TSR3: variants seen among roughly 807,000 people sequenced by gnomAD.
The protein encoded by TSR3 is 18S rRNA aminocarboxypropyltransferase.
TSR3 carries 31 observed loss-of-function variants against 28.1 expected under a neutral mutation model. That is an observed-to-expected ratio of 1.10 (90% CI 0.83 to 1.49). The LOEUF is 1.49. Ranked by LOEUF, TSR3 falls within the 40% of genes most tolerant of loss-of-function variation. The probability of loss-of-function intolerance (pLI) is 0.00; values close to 1 mark genes in which losing one functional copy is unlikely to be tolerated. For missense variants in TSR3, 511 were observed against 444.0 expected, an observed-to-expected ratio of 1.15 and a Z score of -1.36; for synonymous variants, 219 against 197.2, an observed-to-expected ratio of 1.11 and a Z score of -0.93.
At position 1,351,828 on chromosome 16, in the gene TSR3, A is replaced by T; in HGVS notation, c.-24T>A. On this transcript the variant is annotated 5_prime_UTR_variant, in exon 1 of 6. Transcript: ENST00000007390. ...ATGGCGCGGACCTGGGGTGCCGGGGACTCCCCACCCCACGGCCGCGCCCCT... is the reference window on the plus strand; with the variant it reads ...ATGGCGCGGACCTGGGGTGCCGGGGTCTCCCCACCCCACGGCCGCGCCCCT... The T allele has an allele frequency of 7.7e-7, 1 of 1,293,206 alleles. No individual in the cohort carries two copies. Among genetic ancestry groups the T allele is most frequent in the Non-Finnish European group, 9.8e-7 (1 of 1,025,500 alleles). 80.1% of individuals were successfully genotyped at this position (1,293,206 alleles called of 1,614,324 possible).
intron 2 of TSR3, 147 bp downstream of exon 2, chr16:1,351,232 C>G (rs1421669558): frequency 2.0e-6 from 2 of 1,005,634 alleles, no homozygotes; most frequent in Admixed American, 5.7e-5. Flanking sequence ...CCAGGCTCTG[C>G]GCTACGCAAC....
At chr16:1,349,642 C>A in intron 5 of TSR3, 34 bp from the exon 6 acceptor site, 2 of 1,560,274 alleles carry the variant, frequency 1.3e-6, no homozygotes, top group Non-Finnish European at 1.7e-6. Context: ...TCCCAAATGA[C>A]GTCCTCCCTG....
chr16:1,350,808 T>C lies in TSR3; in HGVS notation c.525A>G (p.Val175=). ...CTGCTGTGGGGCCCCTGGACTCACC[T>C]ACGATGCAGAAGGTGGCAGCAAACG... ...VEAFAATFCI[V]GFPDLAVILL... The change falls in exon 3 of 6, where the codon GTA becomes GTG. Residue 175 remains valine (V), a splice_region_variant and synonymous_variant. Coordinates refer to ENST00000007390, the MANE Select transcript of TSR3 (RefSeq NM_001001410.3). The C allele has an allele frequency of 6.2e-7, 1 of 1,612,016 alleles. No individual in the cohort carries two copies. Among genetic ancestry groups the C allele is most frequent in the Non-Finnish European group, 8.5e-7 (1 of 1,179,254 alleles).
Position 1,351,501 on chromosome 16 carries a change from G to C in TSR3, c.210C>G (p.Pro70=). 6.5e-7 allele frequency: 1 copy of C among 1,550,104 alleles called. No individual in the cohort carries two copies. The highest frequency in any genetic ancestry group is 1.9e-5 in the Admixed American group (1 of 52,996). The change falls in exon 2 of 6, where the codon CCC becomes CCG. Residue 70 remains proline, a synonymous_variant. Coordinates refer to ENST00000007390, the MANE Select transcript of TSR3 (RefSeq NM_001001410.3). ...CCAGCTTGCGGCCCGTGCAGCGCCG[G>C]GGGTCGCAGTGGCCCAACTCCCACA... ...LAMWELGHCD[P]RRCTGRKLAR... is the part of the protein sequence containing the mutation.
At position 1,349,508 on chromosome 16, in the gene TSR3, G is replaced by A; in HGVS notation, c.868C>T (p.Gln290Ter). 3 of 1,613,604 alleles carry A rather than the reference G, an allele frequency of 1.9e-6. No individual in the cohort carries two copies. The highest frequency in any genetic ancestry group is 2.5e-6 in the Non-Finnish European group (3 of 1,180,008). The change falls in exon 6 of 6, where the codon CAG becomes TAG. Residue 290 changes from glutamine to a stop codon, truncating the protein, a stop_gained. Coordinates refer to ENST00000007390, the MANE Select transcript of TSR3 (RefSeq NM_001001410.3). LOFTEE classifies it high-confidence loss of function. ...GCCCTGGCCTCAGCCCCCCGTCCCT[G>A]CGTCTGCTCCTCTTCACAGCAGCTG... Reference protein sequence around the residue: ...SSSCCEEEQTQGRGAEARAPA... With the variant: ...SSSCCEEEQT
rs1054163328 is a variant in TSR3 at position 1,351,759 on chromosome 16, G to A, written c.46C>T (p.Arg16Cys). The A allele has an allele frequency of 9.7e-5, 131 of 1,353,662 alleles. No individual in the cohort carries two copies. The highest frequency in any genetic ancestry group is 1.2e-4 in the Non-Finnish European group (125 of 1,058,332). 83.9% of individuals were successfully genotyped at this position (1,353,662 alleles called of 1,614,324 possible). The change falls in exon 1 of 6, where the codon CGC becomes TGC. Residue 16 changes from arginine (R) to cysteine (C), a missense_variant. Arg to Cys is a radical substitution (Grantham distance 180). Transcript: ENST00000007390. Reference sequence around the variant, plus strand: ...GAGCGCGTCGGGAGGTGCCGAGGGCGGCCGCCTTCCGCCCCCGGCCCGCGC... The same window carrying A: ...GAGCGCGTCGGGAGGTGCCGAGGGCAGCCGCCTTCCGCCCCCGGCCCGCGC... ...AARGPGAEGG[R>C]PRHLPTRSLE...
intron 3 of TSR3, 48 bp from the exon 4 acceptor site, chr16:1,350,282 A>C (rs72779216): frequency 0.013 from 20,438 of 1,538,918 alleles, 191 homozygotes; most frequent in Non-Finnish European, 0.016. Context: ...CGGTCCCCTC[A>C]AGTGCCTCCT....
chr16:1,351,551 C>A lies in TSR3; in HGVS notation c.160G>T (p.Ala54Ser). 5 of 1,476,896 alleles carry A rather than the reference C, an allele frequency of 3.4e-6. No individual in the cohort carries two copies. Among genetic ancestry groups the A allele is most frequent in the South Asian group, 2.6e-5 (2 of 77,456 alleles). 91.5% of individuals were successfully genotyped at this position (1,476,896 alleles called of 1,614,324 possible). A position where few individuals can be genotyped will look rare whatever the true frequency, so the allele number is the denominator to read the frequency against. ...ATGGCCAGCGTGCAGGGCAGCGCCG[C>A]CGGGCCCGGGCCGCCCTCGCCGTCA... ...AADGEGGPGP[A>S]ALPCTLAMWE... Residue 54 changes from alanine to serine, a missense_variant, in exon 2 of 6, where the codon GCG becomes TCG. Ala to Ser is a moderately conservative substitution (Grantham distance 99). Transcript: ENST00000007390.
chr16:1,349,262 G>T lies in TSR3; in HGVS notation c.*175C>A. ...GGCTTCTTGGCCTGCAGCTTCATTT[G>T]CGAGAGCGCCGAGGCAGGACACAGA... On this transcript the variant is annotated 3_prime_UTR_variant, in exon 6 of 6. Coordinates refer to ENST00000007390, the MANE Select transcript of TSR3 (RefSeq NM_001001410.3). The T allele has an allele frequency of 1.4e-6, 1 of 729,046 alleles. No individual in the cohort carries two copies. The highest frequency in any genetic ancestry group is 2.4e-6 in the Non-Finnish European group (1 of 421,086). 45.2% of individuals were successfully genotyped at this position (729,046 alleles called of 1,614,324 possible). A position where few individuals can be genotyped will look rare whatever the true frequency, so the allele number is the denominator to read the frequency against.
In TSR3 at chr16:1,350,895, G is replaced by C. The variant is rs1269396421; in HGVS notation, c.438C>G (p.Pro146=). 1 of 1,612,908 alleles carries C rather than the reference G, an allele frequency of 6.2e-7. No homozygotes were observed. Among genetic ancestry groups the C allele is most frequent in the African/African-American group, 1.3e-5 (1 of 74,910 alleles). The stretch of plus-strand genomic sequence containing the variant: ...TCACGGGGTTGGCGGCCACCAGGTA[G>C]GGCAACAGGCGCAAGTGGCTCCCTC... ...KMRGSHLRLL[P]YLVAANPVNY... Residue 146 remains proline, a synonymous_variant, in exon 3 of 6, where the codon CCC becomes CCG. Transcript: ENST00000007390.
rs773465601 is a variant in TSR3, at chr16:1,350,129, G to A, written c.632C>T (p.Pro211Leu). The A allele has an allele frequency of 8.1e-6, 13 of 1,612,054 alleles. No individual in the cohort carries two copies. The highest frequency in any genetic ancestry group is 1.1e-5 in the Non-Finnish European group (13 of 1,179,452). Residue 211 changes from proline to leucine, a missense_variant, in exon 4 of 6, where the codon CCG becomes CTG. Coordinates refer to ENST00000007390, the MANE Select transcript of TSR3 (RefSeq NM_001001410.3). ...CTGCTCCGCCTGCAGCACCTCCTCC[G>A]GGCTGCCGCAGGCCGCGTACTTGTC... is the stretch of plus-strand genomic sequence containing the variant. ...LLDKYAACGS[P>L]EEVLQAEQEF...
chr16:1,350,763 C>G, intron 3 of TSR3, 44 bp downstream of exon 3: 3 of 1,586,230 alleles, frequency 1.9e-6, no homozygotes, highest in Non-Finnish European at 2.6e-6. Context: ...ATAGCAGGAA[C>G]AGCAGGCCGC....
Position 1,349,513 on chromosome 16 carries a change from T to A in TSR3, c.863A>T (p.Gln288Leu). Reference protein sequence around the residue: ...GASSSCCEEEQTQGRGAEARA... With the variant: ...GASSSCCEEELTQGRGAEARA... ...GGCCTCAGCCCCCCGTCCCTGCGTC[T>A]GCTCCTCTTCACAGCAGCTGCTGCT... is the stretch of plus-strand genomic sequence containing the variant. The change falls in exon 6 of 6, where the codon CAG becomes CTG. Residue 288 changes from glutamine to leucine, a missense_variant. Gln to Leu is a moderately radical substitution (Grantham distance 113). Transcript: ENST00000007390. The A allele has an allele frequency of 6.2e-7, 1 of 1,613,596 alleles. No homozygotes were observed. The highest frequency in any genetic ancestry group is 8.5e-7 in the Non-Finnish European group (1 of 1,180,002).
chr16:1,350,852 T>C lies in TSR3; in HGVS notation c.481A>G (p.Arg161Gly). ...ANPVNYGRPY[R>G]LSCVEAFAAT... ...GCAAACGCTTCCACGCAGGAAAGTCTGTAGGGCCGGCCATAGTTCACGGGG... is the reference window on the plus strand; with the variant it reads ...GCAAACGCTTCCACGCAGGAAAGTCCGTAGGGCCGGCCATAGTTCACGGGG... Residue 161 changes from arginine to glycine, a missense_variant, in exon 3 of 6, where the codon AGA becomes GGA. Transcript: ENST00000007390. The C allele has an allele frequency of 6.2e-7, 1 of 1,612,976 alleles. No homozygotes were observed. The highest frequency in any genetic ancestry group is 2.2e-5 in the East Asian group (1 of 44,882).
Position 1,349,441 on chromosome 16 carries a change from T to G in TSR3, c.935A>C (p.Asp312Ala). The change falls in exon 6 of 6, where the codon GAC (aspartate) becomes GCC (alanine). Residue 312 changes from aspartate (D) to alanine (A), a missense_variant. Asp to Ala is a moderately radical substitution (Grantham distance 126, BLOSUM62 -2). Transcript: ENST00000007390. Reference sequence around the variant, plus strand: ...AAATATATGTGTCTGCAACCCTCAGTCTCTCTGCCGTTTCTTGATTCCTTT... The same window carrying G: ...AAATATATGTGTCTGCAACCCTCAGGCTCTCTGCCGTTTCTTGATTCCTTT... ...VWKGIKKRQR[D>A] The G allele has an allele frequency of 2.5e-6, 4 of 1,613,570 alleles. No individual in the cohort carries two copies. Among genetic ancestry groups the G allele is most frequent in the Non-Finnish European group, 3.4e-6 (4 of 1,179,862 alleles).
At chr16:1,350,772 G>T (rs559754109) in intron 3 of TSR3, 35 bp downstream of exon 3, 2 of 1,593,236 alleles carry the variant, frequency 1.3e-6, no homozygotes, top group Admixed American at 3.4e-5. Flanking sequence ...ACAGCAGGCC[G>T]CCGGGTCACA....
At position 1,349,466 on chromosome 16, in the gene TSR3, T is replaced by C; in HGVS notation, c.910A>G (p.Lys304Glu). The C allele has an allele frequency of 6.2e-7, 1 of 1,613,742 alleles. No homozygotes were observed. Among genetic ancestry groups the C allele is most frequent in the Non-Finnish European group, 8.5e-7 (1 of 1,179,926 alleles). ...AEARAPAEVW[K>E]GIKKRQRD is the part of the protein sequence containing the mutation. ...TCTCTCTGCCGTTTCTTGATTCCTT[T>C]CCAAACCTCAGCCGGGGCCCTGGCC... The change falls in exon 6 of 6, where the codon AAA becomes GAA. Residue 304 changes from lysine to glutamate, a missense_variant. Physicochemically the swap from Lys to Glu is moderately conservative, Grantham distance 56. Coordinates refer to ENST00000007390, the MANE Select transcript of TSR3 (RefSeq NM_001001410.3).
Position 1,349,611 on chromosome 16 carries a change from G to A in TSR3, c.768-3C>T. 5 of 1,586,436 alleles carry A rather than the reference G, an allele frequency of 3.2e-6. No individual in the cohort carries two copies. Among genetic ancestry groups the A allele is most frequent in the Non-Finnish European group, 3.4e-6 (4 of 1,165,638 alleles). On this transcript the variant is annotated splice_polypyrimidine_tract_variant and splice_region_variant and intron_variant, in intron 5 of 5. Coordinates refer to ENST00000007390, the MANE Select transcript of TSR3 (RefSeq NM_001001410.3). ...TGTCATCAGTGTCCGAGGGCAGCCT[G>A]GGAGAGGAGGGGGAGCACGTTCCCA...
At position 1,349,467 on chromosome 16, in the gene TSR3, C is replaced by G. The variant is rs768898049; in HGVS notation, c.909G>C (p.Trp303Cys). ...CTCTCTGCCGTTTCTTGATTCCTTTCCAAACCTCAGCCGGGGCCCTGGCCT... is the reference window on the plus strand; with the variant it reads ...CTCTCTGCCGTTTCTTGATTCCTTTGCAAACCTCAGCCGGGGCCCTGGCCT... ...GAEARAPAEV[W>C]KGIKKRQRD The change falls in exon 6 of 6, where the codon TGG (tryptophan) becomes TGC (cysteine). Residue 303 changes from tryptophan (W) to cysteine (C), a missense_variant. Physicochemically the swap from Trp to Cys is radical, Grantham distance 215. Transcript: ENST00000007390. The G allele has an allele frequency of 6.2e-7, 1 of 1,613,722 alleles. No individual in the cohort carries two copies. The highest frequency in any genetic ancestry group is 1.1e-5 in the South Asian group (1 of 91,040).
Sources: allele counts gnomAD v4.1 joint callset, GRCh38; gene constraint gnomAD v4.1.1; transcripts MANE v1.5; gene names NCBI Gene and HGNC (gene_info 2026-07-23, HGNC 2026-07-21).